The following SPPL3 variants were observed in gnomAD, a reference collection of about 807,000 sequenced individuals.
The protein encoded by SPPL3 is signal peptide peptidase like 3.
Under a neutral mutation model 42.4 loss-of-function variants are expected in SPPL3, and 5 were observed. That is an observed-to-expected ratio of 0.12 (90% CI 0.06 to 0.25). The LOEUF is 0.25. Among genes scored for constraint, SPPL3 ranks in the 10% least tolerant of loss-of-function variants. SPPL3 has a pLI of 1.00. For synonymous variants in SPPL3, 195 were observed against 181.8 expected (o/e 1.07, Z -0.58); for missense variants, 235 against 489.0 (o/e 0.48, Z 4.90).
Position 120,803,210 on chromosome 12 carries a change from G to A in SPPL3, c.101+7599C>T, listed in dbSNP as rs1442316427. Among the ~76,000 whole-genome samples the A allele has an allele frequency of 4.6e-5, 7 of 152,264 alleles. No homozygotes were observed. The South Asian group carries it at 1.2e-3, about 27-fold the overall frequency. On this transcript the variant is annotated intron_variant, in intron 2 of 10. Coordinates refer to ENST00000353487, the MANE Select transcript of SPPL3 (RefSeq NM_139015.5). ...GTGAAACACTAGTAACAGGAGTGCT[G>A]GCATTATGGTATGCATTTTTACATT...
intron 1 of SPPL3, among the ~76,000 whole-genome samples, chr12:120,853,999 C>T (rs1257876774): frequency 4.7e-5 from 7 of 150,214 alleles, no homozygotes; most frequent in Non-Finnish European, 7.4e-5. Context: ...CACACACACA[C>T]ACACACACAC....
At chr12:120,802,377 A>ATGTATATATATGTG (rs1555248854) in intron 2 of SPPL3, among the ~76,000 whole-genome samples, 3 of 139,972 alleles carry the variant, frequency 2.1e-5, no homozygotes, top group African/African-American at 8.7e-5. Context: ...ATACATATAT[A>ATGTATATATATGTG]TGTATATATA....
Position 120,904,054 on chromosome 12 carries a change from CGCTCCCTGGGCCCCGGGGCGGGGCGG to C in SPPL3, c.-213_-188del, listed in dbSNP as rs1458213322. 2 of 363,966 alleles carry C rather than the reference CGCTCCCTGGGCCCCGGGGCGGGGCGG, an allele frequency of 5.5e-6. No homozygotes were observed. The highest frequency in any genetic ancestry group is 9.4e-6 in the Non-Finnish European group (2 of 212,476). The allele number at this position is 363,966 out of a possible 1,614,324, so 22.5% of individuals were successfully genotyped here. A position where few individuals can be genotyped will look rare whatever the true frequency, so the allele number is the denominator to read the frequency against. On this transcript the variant is annotated 5_prime_UTR_variant, in exon 1 of 11. Coordinates refer to ENST00000353487, the MANE Select transcript of SPPL3 (RefSeq NM_139015.5). ...GAGAGGCCGGGCTCCGAAGCGGCCC[CGCTCCCTGGGCCCCGGGGCGGGGCGG>C]GCTCCGCTCTCGGCCTCCCTCACCC...
At chr12:120,897,148 C>T (rs191319837) in intron 1 of SPPL3, among the ~76,000 whole-genome samples, 9 of 152,250 alleles carry the variant, frequency 5.9e-5, no homozygotes, top group Admixed American at 5.9e-4. Context: ...ACATCACAAT[C>T]CAATGGCATT....
chr12:120,806,410 CTT>C (rs1870492867), intron 2 of SPPL3, among the ~76,000 whole-genome samples: 1 of 151,984 alleles, frequency 6.6e-6, no homozygotes. Context: ...TAAGTATAGT[CTT>C]TTCATCAAAT....
rs756602166 is a variant in SPPL3 at position 120,767,457 on chromosome 12, T to G, written c.910A>C (p.Asn304His). The G allele has an allele frequency of 2.2e-5, 35 of 1,614,130 alleles. No individual in the cohort carries two copies. The highest frequency in any genetic ancestry group is 2.9e-5 in the Non-Finnish European group (34 of 1,180,036). The change falls in exon 9 of 11, where the codon AAC becomes CAC. Residue 304 changes from asparagine (N) to histidine (H), a missense_variant. By Grantham distance (68) the Asn-to-His change is moderately conservative. Transcript: ENST00000353487. ...ACCTTCTGCATGCGCCCGGAGATGT[T>G]GGCAGGTCCAGGGGCCCCACAGGAG... ...GDSCGAPGPANISGRMQKVSY... is the reference protein window; with the variant it reads ...GDSCGAPGPAHISGRMQKVSY...
intron 1 of SPPL3, among the ~76,000 whole-genome samples, chr12:120,894,062 G>A (rs1873725806): frequency 1.3e-5 from 2 of 152,266 alleles, no homozygotes; most frequent in South Asian, 2.1e-4. Context: ...AGTGGGTCAC[G>A]CCTGTAATCC....
chr12:120,800,821 T>C (rs1870265309), intron 2 of SPPL3, among the ~76,000 whole-genome samples: 1 of 152,104 alleles, frequency 6.6e-6, no homozygotes, highest in African/African-American at 2.4e-5. Flanking sequence ...GCTGAGAACA[T>C]CCAGGGGGTT....
At chr12:120,836,676 T>C (rs1871631534) in intron 1 of SPPL3, among the ~76,000 whole-genome samples, 3 of 152,036 alleles carry the variant, frequency 2.0e-5, no homozygotes, top group African/African-American at 7.2e-5. Context: ...GGAGTGAGAA[T>C]GGAGGGTTAG....
intron 1 of SPPL3, among the ~76,000 whole-genome samples, chr12:120,844,458 G>A (rs77278225): frequency 0.012 from 1,813 of 152,100 alleles, 33 homozygotes; most frequent in Non-Finnish European, 0.018. Flanking sequence ...GCCTCCCATC[G>A]TGCTGATAAA....
At chr12:120,807,744 A>C (rs1798856864) in intron 2 of SPPL3, among the ~76,000 whole-genome samples, 3 of 152,092 alleles carry the variant, frequency 2.0e-5, no homozygotes, top group South Asian at 2.1e-4. Flanking sequence ...CAGGAAAAAA[A>C]CAAAAACCAA....
chr12:120,832,441 G>T (rs1871455803), intron 1 of SPPL3, among the ~76,000 whole-genome samples: 1 of 152,176 alleles, frequency 6.6e-6, no homozygotes, highest in South Asian at 2.1e-4. Flanking sequence ...GGAGGCCAAG[G>T]TGGGCGGATC....
chr12:120,802,825 A>G (rs940818530), intron 2 of SPPL3, among the ~76,000 whole-genome samples: 5 of 152,148 alleles, frequency 3.3e-5, no homozygotes, highest in African/African-American at 1.2e-4. Flanking sequence ...CCAAAATATA[A>G]CCTTAGACCA....
chr12:120,818,122 T>C (rs116171776), intron 1 of SPPL3, among the ~76,000 whole-genome samples: 3,009 of 152,308 alleles, frequency 0.02, 114 homozygotes, highest in African/African-American at 0.068. Context: ...GCCCTCCTAC[T>C]GAGGTGTCTG....
At position 120,780,576 on chromosome 12, in the gene SPPL3, C is replaced by T. The variant is rs531693763; in HGVS notation, c.502+2079G>A. Among the ~76,000 whole-genome samples, 248 of 141,434 alleles carry T rather than the reference C, an allele frequency of 1.8e-3. 2 individuals are homozygous for T. Among genetic ancestry groups the T allele is most frequent in the African/African-American group, 6.7e-3 (238 of 35,378 alleles). The allele number at this position is 141,434 out of a possible 152,430, so 92.8% of individuals were successfully genotyped here. On this transcript the variant is annotated intron_variant, in intron 6 of 10. Coordinates refer to ENST00000353487, the MANE Select transcript of SPPL3 (RefSeq NM_139015.5). Reference sequence around the variant, plus strand: ...CCAGCCTGGGCAACATGAAGACACCCTGTCTCTATTTAAAAAAAAAAAAAA... The same window carrying T: ...CCAGCCTGGGCAACATGAAGACACCTTGTCTCTATTTAAAAAAAAAAAAAA...
chr12:120,836,871 G>C (rs11065288), intron 1 of SPPL3, among the ~76,000 whole-genome samples: 5,479 of 152,264 alleles, frequency 0.036, 116 homozygotes, highest in South Asian at 0.067. Flanking sequence ...GTAACCAGGG[G>C]TATCTGAATA....
intron 1 of SPPL3, among the ~76,000 whole-genome samples, chr12:120,881,025 T>C (rs976748324): frequency 6.6e-6 from 1 of 151,820 alleles, no homozygotes; most frequent in South Asian, 2.1e-4. Flanking sequence ...TTCATACCCA[T>C]TAGGATGGCT....
intron 6 of SPPL3, among the ~76,000 whole-genome samples, chr12:120,781,210 A>T (rs888124363): frequency 3.3e-5 from 5 of 152,202 alleles, no homozygotes; most frequent in African/African-American, 1.2e-4. Flanking sequence ...CATCCTTATC[A>T]TCAATGAAGA....
chr12:120,803,942 G>A (rs559746945), intron 2 of SPPL3, among the ~76,000 whole-genome samples: 1 of 152,276 alleles, frequency 6.6e-6, no homozygotes, highest in South Asian at 2.1e-4. Context: ...GTGAACCATA[G>A]TGACACTTGT....
Sources: gnomAD v4.1 joint callset for allele counts (sites outside exome capture counted in the v4.1 genomes callset) on GRCh38, gnomAD v4.1.1 for gene constraint, MANE v1.5 for transcripts, NCBI Gene and HGNC (gene_info 2026-07-23, HGNC 2026-07-21) for gene names.